Variants in CEP164 observed in about 807,000 individuals in gnomAD.
The protein encoded by CEP164 is centrosomal protein 164.
Under a neutral mutation model 182.7 loss-of-function variants are expected in CEP164, and 162 were observed. The observed-to-expected ratio is 0.89, with a 90% CI of 0.78 to 1.01. The LOEUF is 1.01. Among genes scored for constraint, CEP164 ranks in the 50% least tolerant of loss-of-function variants. The probability of loss-of-function intolerance (pLI) is 0.00; values close to 1 mark genes in which losing one functional copy is unlikely to be tolerated. For synonymous variants in CEP164, 661 were observed against 690.0 expected, an observed-to-expected ratio of 0.96 and a Z score of 0.66; for missense variants, 1,735 against 1,790.4, an observed-to-expected ratio of 0.97 and a Z score of 0.56.
chr11:117,375,618 C>T, intron 10 of CEP164, 90 bp from the exon 11 acceptor site: 1 of 995,366 alleles, frequency 1.0e-6, no homozygotes, highest in South Asian at 1.3e-5. Context: ...AGACATCTTT[C>T]TGGAAAGTGG....
intron 27 of CEP164, among the ~76,000 whole-genome samples, chr11:117,406,142 A>G (rs559009369): frequency 6.6e-6 from 1 of 152,310 alleles, no homozygotes; most frequent in East Asian, 1.9e-4. Context: ...TGCTGTGGAT[A>G]AAGACGTACC....
chr11:117,398,041 A>C (rs1242407499), intron 27 of CEP164, among the ~76,000 whole-genome samples: 1 of 152,240 alleles, frequency 6.6e-6, no homozygotes, highest in Non-Finnish European at 1.5e-5. Flanking sequence ...CTGTAAAATA[A>C]AAAACAAGCT....
chr11:117,365,483 A>G (rs914039138), intron 8 of CEP164, among the ~76,000 whole-genome samples: 1 of 152,158 alleles, frequency 6.6e-6, no homozygotes, highest in Non-Finnish European at 1.5e-5. Context: ...ATCATGATTT[A>G]CTTTGACCTT....
intron 2 of CEP164, 113 bp from the exon 3 acceptor site, chr11:117,338,453 A>G (rs1591996854): frequency 4.0e-6 from 3 of 743,782 alleles, no homozygotes; most frequent in Non-Finnish European, 4.6e-6. Context: ...CCCTGGCCAA[A>G]TTGCTCTGCA....
intron 20 of CEP164, 64 bp downstream of exon 20, chr11:117,393,190 C>T: frequency 6.4e-7 from 1 of 1,566,690 alleles, no homozygotes; most frequent in South Asian, 1.1e-5. Context: ...CGCACATGCA[C>T]ACACACATGC....
At chr11:117,354,022 C>CTTCTTTT (rs1555101071) in intron 5 of CEP164, among the ~76,000 whole-genome samples, 225 of 142,152 alleles carry the variant, frequency 1.6e-3, no homozygotes, top group African/African-American at 5.6e-3. Flanking sequence ...TCTTCTTCTT[C>CTTCTTTT]TTTTTTTTTT....
At chr11:117,330,921 A>G (rs1284130356) in intron 1 of CEP164, among the ~76,000 whole-genome samples, 1 of 152,220 alleles carries the variant, frequency 6.6e-6, no homozygotes, top group Non-Finnish European at 1.5e-5. Flanking sequence ...CTGTCCAGCT[A>G]GTAAGAGGCA....
At chr11:117,391,876 A>G (rs1245883288) in intron 17 of CEP164, among the ~76,000 whole-genome samples, 1 of 152,186 alleles carries the variant, frequency 6.6e-6, no homozygotes, top group African/African-American at 2.4e-5. Context: ...AAAATTCTAC[A>G]TGGCCCGACT....
intron 11 of CEP164, among the ~76,000 whole-genome samples, chr11:117,379,111 C>T (rs1374643778): frequency 6.6e-6 from 1 of 152,144 alleles, no homozygotes; most frequent in African/African-American, 2.4e-5. Flanking sequence ...AGAGGTGGGG[C>T]AGGAAAGGCT....
In CEP164 at chr11:117,395,546, G is replaced by A; in HGVS notation, c.2914-1G>A. ...GCTTCTATCTTTCCTTTTGCCCCTA[G>A]GAAGCCACAGCCACCCATCAGCAGC... On this transcript the variant is annotated splice_acceptor_variant, in intron 23 of 32. Coordinates refer to ENST00000278935, the MANE Select transcript of CEP164 (RefSeq NM_014956.5). LOFTEE classifies it high-confidence loss of function. 1 of 1,608,200 alleles carries A rather than the reference G, an allele frequency of 6.2e-7. No homozygotes were observed. Among genetic ancestry groups the A allele is most frequent in the Non-Finnish European group, 8.5e-7 (1 of 1,177,166 alleles).
chr11:117,344,286 G>A lies in CEP164; in HGVS notation c.194+9G>A, dbSNP rs925803866. The A allele has an allele frequency of 3.1e-6, 5 of 1,595,264 alleles. No individual in the cohort carries two copies. The highest frequency in any genetic ancestry group is 4.3e-6 in the Non-Finnish European group (5 of 1,165,580). On this transcript the variant is annotated intron_variant, in intron 4 of 32. Transcript: ENST00000278935. Reference sequence around the variant, plus strand: ...GGAGAGTGGAAACCATGGTAAGTCAGCAGGGGGTGCGGCCACTGACTTGGC... The same window carrying A: ...GGAGAGTGGAAACCATGGTAAGTCAACAGGGGGTGCGGCCACTGACTTGGC...
Position 117,412,384 on chromosome 11 carries a change from T to C in CEP164, c.*216T>C. Reference sequence around the variant, plus strand: ...CTAAAATGTGTGGACTCGTACGAGCTCTTGTCATTGACATGGCAAGCTGAT... The same window carrying C: ...CTAAAATGTGTGGACTCGTACGAGCCCTTGTCATTGACATGGCAAGCTGAT... On this transcript the variant is annotated 3_prime_UTR_variant, in exon 33 of 33. Coordinates refer to ENST00000278935, the MANE Select transcript of CEP164 (RefSeq NM_014956.5). The C allele has an allele frequency of 2.3e-6, 1 of 431,690 alleles. No homozygotes were observed. The highest frequency in any genetic ancestry group is 3.2e-5 in the South Asian group (1 of 31,416). 26.7% of individuals were successfully genotyped at this position (431,690 alleles called of 1,614,324 possible). A position where few individuals can be genotyped will look rare whatever the true frequency, so the allele number is the denominator to read the frequency against.
Position 117,411,811 on chromosome 11 carries a change from C to T in CEP164, c.4180C>T (p.Leu1394=), listed in dbSNP as rs895081745. The T allele has an allele frequency of 8.7e-6, 14 of 1,614,060 alleles. No individual in the cohort carries two copies. The highest frequency in any genetic ancestry group is 1.3e-5 in the African/African-American group (1 of 74,940). ...CCTTCCCAGTGAGCAGCTCCGGCTC[C>T]TACAGCACTCCCATTCGCAAGTCCC... The part of the protein sequence containing the change: ...YMSASEQLRL[L]QHSHSQVPEA... Residue 1394 remains leucine (L), a synonymous_variant, in exon 32 of 33, where the codon CTA becomes TTA. Transcript: ENST00000278935. The surrounding 1 kb of genome is among the most constrained non-coding windows in gnomAD (Gnocchi z 4.4).
intron 5 of CEP164, among the ~76,000 whole-genome samples, chr11:117,353,455 T>C (rs1330986992): frequency 6.6e-6 from 1 of 151,988 alleles, no homozygotes; most frequent in Non-Finnish European, 1.5e-5. Context: ...TTATTTGAAG[T>C]GGTAGTCAGG....
At position 117,411,157 on chromosome 11, in the gene CEP164, C is replaced by G. The variant is rs1399906183; in HGVS notation, c.4163+263C>G. ...CTGCCAACCCCCTGAGGAAGCTGCC[C>G]TCTGGCCCCTGTGGGGAGGAGTCAG... is the stretch of plus-strand genomic sequence containing the variant. On this transcript the variant is annotated intron_variant, in intron 31 of 32. Transcript: ENST00000278935. The surrounding 1 kb of genome is among the most constrained non-coding windows in gnomAD (Gnocchi z 4.4). 2.2e-6 allele frequency: 1 copy of G among 445,242 alleles called. No individual in the cohort carries two copies. The highest frequency in any genetic ancestry group is 4.1e-6 in the Non-Finnish European group (1 of 241,378). 27.6% of individuals were successfully genotyped at this position (445,242 alleles called of 1,614,324 possible). A position where few individuals can be genotyped will look rare whatever the true frequency, so the allele number is the denominator to read the frequency against.
chr11:117,345,779 C>T (rs1429492022), intron 4 of CEP164, among the ~76,000 whole-genome samples: 9 of 151,962 alleles, frequency 5.9e-5, no homozygotes, highest in East Asian at 3.9e-4. Context: ...CTCCACCTCC[C>T]GGAGGTGGAG....
chr11:117,393,277 CTG>C, intron 20 of CEP164, 151 bp downstream of exon 20: 1 of 1,364,546 alleles, frequency 7.3e-7, no homozygotes, highest in Non-Finnish European at 9.7e-7. Flanking sequence ...AGGGGATAAA[CTG>C]TGGTCAGGGA....
intron 9 of CEP164, among the ~76,000 whole-genome samples, chr11:117,372,622 G>A (rs975064065): frequency 4.0e-5 from 6 of 151,690 alleles, no homozygotes; most frequent in Non-Finnish European, 8.8e-5. Flanking sequence ...TCTCCATGTT[G>A]GTCAGGCTGG....
chr11:117,373,966 C>T, intron 10 of CEP164, 135 bp downstream of exon 10: 2 of 666,166 alleles, frequency 3.0e-6, no homozygotes, highest in South Asian at 2.0e-5. Context: ...TCTTGTCTAG[C>T]TCCAGTTTCT....
Sources: gnomAD v4.1 joint callset for allele counts (sites outside exome capture counted in the v4.1 genomes callset) on GRCh38, gnomAD v4.1.1 for gene constraint, Gnocchi (gnomAD v3.1) non-coding constraint, MANE v1.5 for transcripts, NCBI Gene and HGNC (gene_info 2026-07-23, HGNC 2026-07-21) for gene names.